The following STPG2 variants were observed in gnomAD, a reference collection of about 807,000 sequenced individuals.
STPG2 encodes the protein sperm-tail PG-rich repeat-containing protein 2.
STPG2 carries 56 observed loss-of-function variants against 54.2 expected under a neutral mutation model. The observed-to-expected ratio is 1.03, with a 90% confidence interval of 0.83 to 1.29. The LOEUF is 1.29. Ranked by LOEUF, STPG2 falls within the 50% of genes most tolerant of loss-of-function variation. The probability of loss-of-function intolerance (pLI) is 0.00; values close to 1 mark genes in which losing one functional copy is unlikely to be tolerated. For missense variants in STPG2, 596 were observed against 544.9 expected, an observed-to-expected ratio of 1.09 and a Z score of -0.93; for synonymous variants, 200 against 181.8, an observed-to-expected ratio of 1.10 and a Z score of -0.81.
intron 8 of STPG2, among the ~76,000 whole-genome samples, chr4:97,855,633 A>T (rs1729310477): frequency 6.6e-6 from 1 of 152,120 alleles, no homozygotes; most frequent in Admixed American, 6.5e-5. Flanking sequence ...CACTCTGACG[A>T]AAGTTTCTTC....
At chr4:97,596,503 C>T (rs1733297672) in intron 10 of STPG2, among the ~76,000 whole-genome samples, 1 of 152,108 alleles carries the variant, frequency 6.6e-6, no homozygotes, top group African/African-American at 2.4e-5. Flanking sequence ...AAATGGACCA[C>T]ATAATTGGCC....
At chr4:98,078,058 CT>C (rs1738229356) in intron 5 of STPG2, among the ~76,000 whole-genome samples, 2 of 152,032 alleles carry the variant, frequency 1.3e-5, no homozygotes, top group Non-Finnish European at 2.9e-5. Context: ...GTTTGTTTCT[CT>C]CCAACTGTAA....
intron 10 of STPG2, among the ~76,000 whole-genome samples, chr4:97,609,981 C>T (rs1733692843): frequency 6.6e-6 from 1 of 151,810 alleles, no homozygotes; most frequent in South Asian, 2.1e-4. Context: ...TGTGTATACA[C>T]ATATAACATC....
chr4:97,580,528 C>A (rs1487555107), intron 10 of STPG2, among the ~76,000 whole-genome samples: 1 of 142,288 alleles, frequency 7.0e-6, no homozygotes, highest in African/African-American at 3.0e-5. Context: ...CCCTCTCTGT[C>A]TCTCTGTCTC....
At chr4:98,109,145 T>C (rs1739271574) in intron 4 of STPG2, 48 bp downstream of exon 4, 2 of 1,173,532 alleles carry the variant, frequency 1.7e-6, no homozygotes, top group Non-Finnish European at 1.2e-6. Context: ...TTAAAATACT[T>C]TTCTAGTCAA....
At chr4:97,508,502 T>C (rs1354507070) in intron 4 of STPG2, among the ~76,000 whole-genome samples, 1 of 152,066 alleles carries the variant, frequency 6.6e-6, no homozygotes, top group African/African-American at 2.4e-5. Context: ...CATTTCAATA[T>C]ATGTACAGGT....
intron 7 of STPG2, among the ~76,000 whole-genome samples, chr4:97,960,036 G>A (rs906428427): frequency 1.3e-5 from 2 of 152,094 alleles, no homozygotes; most frequent in Admixed American, 6.6e-5. Context: ...TGCAGGGAAG[G>A]TTTAATATAT....
chr4:97,762,603 A>G (rs1399209902), intron 9 of STPG2, among the ~76,000 whole-genome samples: 1 of 152,122 alleles, frequency 6.6e-6, no homozygotes, highest in Non-Finnish European at 1.5e-5. Flanking sequence ...ATACAGGGAG[A>G]AAATCTTATT....
intron 8 of STPG2, among the ~76,000 whole-genome samples, chr4:97,842,918 C>A (rs2149123418): frequency 6.6e-6 from 1 of 151,846 alleles, no homozygotes; most frequent in Middle Eastern, 3.4e-3. Context: ...TTTTATCTGA[C>A]CAAGAGATTA....
At chr4:97,893,842 T>A (rs1427188435) in intron 8 of STPG2, among the ~76,000 whole-genome samples, 1 of 151,986 alleles carries the variant, frequency 6.6e-6, no homozygotes, top group African/African-American at 2.4e-5. Context: ...CAGGTGGCAA[T>A]CTCTAGACAC....
At chr4:98,024,119 T>A (rs1365116035) in intron 5 of STPG2, among the ~76,000 whole-genome samples, 4 of 152,190 alleles carry the variant, frequency 2.6e-5, no homozygotes, top group Non-Finnish European at 5.9e-5. Flanking sequence ...CTGTCTTCTG[T>A]GTCACTCACG....
At chr4:97,492,518 A>T (rs1355159855) in intron 4 of STPG2, among the ~76,000 whole-genome samples, 2 of 151,504 alleles carry the variant, frequency 1.3e-5, no homozygotes, top group Non-Finnish European at 3.0e-5. Flanking sequence ...AGAATCCAAC[A>T]TGTATGTAAT....
intron 7 of STPG2, among the ~76,000 whole-genome samples, chr4:97,957,903 G>A (rs1213395028): frequency 1.3e-5 from 2 of 152,078 alleles, no homozygotes; most frequent in East Asian, 1.9e-4. Context: ...AGTACTACAA[G>A]AACTGCTAAA....
chr4:97,927,159 A>G (rs1349066397), intron 8 of STPG2, among the ~76,000 whole-genome samples: 1 of 152,158 alleles, frequency 6.6e-6, no homozygotes, highest in Non-Finnish European at 1.5e-5. Flanking sequence ...AACTCAAATT[A>G]ACAAATTAAT....
Position 98,109,207 on chromosome 4 carries a change from C to A in STPG2, c.486G>T (p.Gln162His). 1 of 1,597,882 alleles carries A rather than the reference C, an allele frequency of 6.3e-7. No homozygotes were observed. ...LPKKSGPGPG[Q>H]YDIVQKKTSY... ...TTTTTACTTACTGGACTATATCATA[C>A]TGTCCTGGACCAGGACCTGACTTTT... Residue 162 changes from glutamine (Q) to histidine (H), a missense_variant, in exon 4 of 11, where the codon CAG becomes CAT. By Grantham distance (24) the Gln-to-His change is conservative. Coordinates refer to ENST00000295268, the MANE Select transcript of STPG2 (RefSeq NM_174952.3).
intron 10 of STPG2, among the ~76,000 whole-genome samples, chr4:97,656,911 A>T (rs1722232886): frequency 6.6e-6 from 1 of 151,986 alleles, no homozygotes. Context: ...TTTTGAAAAT[A>T]TATATGAAAA....
chr4:97,478,506 T>G (rs1488810751), intron 4 of STPG2, among the ~76,000 whole-genome samples: 1 of 152,104 alleles, frequency 6.6e-6, no homozygotes, highest in Non-Finnish European at 1.5e-5. Context: ...GACTGCCAAT[T>G]AGTAGGGCAG....
intron 10 of STPG2, chr4:97,572,790 G>C (rs1456170399): frequency 2.0e-5 from 3 of 152,026 alleles, no homozygotes; most frequent in Admixed American, 2.0e-4. Context: ...TTCATTTCTG[G>C]TTTATATGGA....
chr4:97,975,286 G>A (rs1221141676), intron 6 of STPG2, among the ~76,000 whole-genome samples: 1 of 151,982 alleles, frequency 6.6e-6, no homozygotes, highest in Non-Finnish European at 1.5e-5. Flanking sequence ...TTATGTATAG[G>A]TATACCTCAA....
Sources: allele counts gnomAD v4.1 joint callset (sites outside exome capture counted in the v4.1 genomes callset), GRCh38; gene constraint gnomAD v4.1.1; transcripts MANE v1.5; gene names NCBI Gene and HGNC (gene_info 2026-07-23, HGNC 2026-07-21).